The following THSD7A variants were observed in gnomAD, a reference collection of about 807,000 sequenced individuals.
THSD7A encodes thrombospondin type-1 domain-containing protein 7A.
Under a neutral mutation model 231.3 loss-of-function variants are expected in THSD7A, and 96 were observed. The observed-to-expected ratio is 0.41, with a 90% CI of 0.35 to 0.49. THSD7A has a LOEUF of 0.49. Among genes scored for constraint, THSD7A ranks in the 20% least tolerant of loss-of-function variants. THSD7A has a pLI of 0.05. For synonymous variants in THSD7A, 940 were observed against 743.3 expected (o/e 1.26, Z -4.30); for missense variants, 2,290 against 2,070.2 (o/e 1.11, Z -2.06).
chr7:11,417,481 G>A lies in THSD7A; in HGVS notation c.3506C>T (p.Ser1169Phe). 6.2e-7 allele frequency: 1 copy of A among 1,611,266 alleles called. No individual in the cohort carries two copies. The highest frequency in any genetic ancestry group is 1.1e-5 in the South Asian group (1 of 90,386). Residue 1169 changes from serine to phenylalanine, a missense_variant, in exon 17 of 28, where the codon TCT (serine) becomes TTT (phenylalanine). Physicochemically the swap from Ser to Phe is radical, Grantham distance 155. Transcript: ENST00000423059. Reference sequence around the variant, plus strand: ...ACATTGGGTCCATGGACCCCATTCAGATATCACACAGTCCTCAGGGCATGG... The same window carrying A: ...ACATTGGGTCCATGGACCCCATTCAAATATCACACAGTCCTCAGGGCATGG... The part of the protein sequence containing the change: ...KLPCPEDCVI[S>F]EWGPWTQCVL...
intron 1 of THSD7A, among the ~76,000 whole-genome samples, chr7:11,774,727 A>G (rs543507837): frequency 1.2e-4 from 19 of 152,220 alleles, no homozygotes; most frequent in Non-Finnish European, 2.8e-4. Flanking sequence ...CCTTTATGCT[A>G]GTATATTTCT....
intron 23 of THSD7A, among the ~76,000 whole-genome samples, chr7:11,396,400 GAAGAA>G (rs1161475179): frequency 2.0e-5 from 3 of 151,946 alleles, no homozygotes; most frequent in Non-Finnish European, 4.4e-5. Flanking sequence ...GACTAAGAAA[GAAGAA>G]AAGAGAGAAG....
intron 2 of THSD7A, among the ~76,000 whole-genome samples, chr7:11,626,015 T>A (rs1159447751): frequency 6.6e-6 from 1 of 152,012 alleles, no homozygotes; most frequent in Non-Finnish European, 1.5e-5. Context: ...TTACTAAAAC[T>A]CCCAGGAAAA....
rs145106297 is a variant in THSD7A at position 11,773,993 on chromosome 7, G to A, written c.190+57764C>T. Among the ~76,000 whole-genome samples, 247 of 152,052 alleles carry A rather than the reference G, an allele frequency of 1.6e-3. 1 individual carries two copies. The highest frequency in any genetic ancestry group is 2.2e-3 in the Non-Finnish European group (150 of 67,962). ...AACCCAAGTTTACCTAATAATAATCGGGAAATTAAAATAGCATAGTTCTTC... is the reference window on the plus strand; with the variant it reads ...AACCCAAGTTTACCTAATAATAATCAGGAAATTAAAATAGCATAGTTCTTC... On this transcript the variant is annotated intron_variant, in intron 1 of 27. Coordinates refer to ENST00000423059, the MANE Select transcript of THSD7A (RefSeq NM_015204.3).
intron 9 of THSD7A, among the ~76,000 whole-genome samples, chr7:11,466,576 C>T (rs931144095): frequency 6.6e-6 from 1 of 152,094 alleles, no homozygotes; most frequent in South Asian, 2.1e-4. Flanking sequence ...AAATACCCAA[C>T]TGAGGTGATT....
chr7:11,542,463 C>T (rs889168012), intron 5 of THSD7A, among the ~76,000 whole-genome samples: 8 of 152,142 alleles, frequency 5.3e-5, no homozygotes, highest in South Asian at 2.1e-4. Context: ...GAAAGTAATA[C>T]AGTTTTTACA....
intron 2 of THSD7A, 114 bp from the exon 3 acceptor site, chr7:11,593,616 T>C (rs1392936732): frequency 5.3e-6 from 7 of 1,330,304 alleles, no homozygotes; most frequent in Admixed American, 2.3e-5. Context: ...GGAGGTGTGA[T>C]TCCAGTTTCA....
At chr7:11,407,447 G>T (rs751062646) in intron 19 of THSD7A, 24 bp from the exon 20 acceptor site, 3 of 1,567,948 alleles carry the variant, frequency 1.9e-6, no homozygotes, top group Non-Finnish European at 2.6e-6. Context: ...GGTAGATCAG[G>T]ATGTATATTG....
At chr7:11,465,960 G>A (rs1785689109) in intron 9 of THSD7A, among the ~76,000 whole-genome samples, 1 of 152,024 alleles carries the variant, frequency 6.6e-6, no homozygotes, top group African/African-American at 2.4e-5. Flanking sequence ...CTGGTCTCAG[G>A]ATTAAACTAC....
intron 1 of THSD7A, among the ~76,000 whole-genome samples, chr7:11,774,881 C>G (rs138550084): frequency 0.012 from 1,873 of 152,186 alleles, 44 homozygotes; most frequent in African/African-American, 0.043. Context: ...ATGGCGAAAC[C>G]TTGTCTCTAC....
chr7:11,689,855 C>A (rs41388048), intron 1 of THSD7A, among the ~76,000 whole-genome samples: 4,815 of 148,142 alleles, frequency 0.033, 120 homozygotes, highest in Non-Finnish European at 0.046. Flanking sequence ...GACCACAAAG[C>A]ATTTCTGCCA....
At position 11,534,504 on chromosome 7, in the gene THSD7A, T is replaced by C. The variant is rs180941392; in HGVS notation, c.1822+6915A>G. Among the ~76,000 whole-genome samples the C allele has an allele frequency of 5.3e-5, 8 of 152,272 alleles. 1 individual carries two copies. In the East Asian group the frequency reaches 1.5e-3, roughly 29 times the overall value. ...CAGCTGACAGCACCAATGCCAGATA[T>C]GTGAGGGAGGACACTTGGACCTTTC... On this transcript the variant is annotated intron_variant, in intron 6 of 27. Coordinates refer to ENST00000423059, the MANE Select transcript of THSD7A (RefSeq NM_015204.3).
intron 1 of THSD7A, among the ~76,000 whole-genome samples, chr7:11,739,034 A>G (rs1408357903): frequency 6.6e-6 from 1 of 152,072 alleles, no homozygotes; most frequent in East Asian, 1.9e-4. Flanking sequence ...TGAAGCATGT[A>G]GATCAGTGTT....
At chr7:11,767,114 T>C (rs1342037210) in intron 1 of THSD7A, among the ~76,000 whole-genome samples, 5 of 152,200 alleles carry the variant, frequency 3.3e-5, no homozygotes, top group African/African-American at 9.6e-5. Context: ...TAAACAGCAA[T>C]TGTGGGAAGA....
intron 1 of THSD7A, among the ~76,000 whole-genome samples, chr7:11,794,169 G>C (rs1784050279): frequency 6.6e-6 from 1 of 151,880 alleles, no homozygotes; most frequent in African/African-American, 2.4e-5. Context: ...GGAGATAAGA[G>C]AAGTCTGTGA....
At chr7:11,607,755 G>T (rs1260815175) in intron 2 of THSD7A, among the ~76,000 whole-genome samples, 1 of 152,050 alleles carries the variant, frequency 6.6e-6, no homozygotes, top group Non-Finnish European at 1.5e-5. Flanking sequence ...GAGGCAAAAT[G>T]CACTCATGTT....
In THSD7A at chr7:11,461,330, T is replaced by G. The variant is rs1785498458; in HGVS notation, c.2502-565A>C. On this transcript the variant is annotated intron_variant, in intron 10 of 27. Transcript: ENST00000423059. ...AAGATTGATATATTAAGATGCCAAA[T>G]TTGACAATGTCATCTTAAATATTTA... Among the ~76,000 whole-genome samples, 3 of 152,220 alleles carry G rather than the reference T, an allele frequency of 2.0e-5. No homozygotes were observed. The South Asian group carries it at 6.2e-4, about 31-fold the overall frequency.
At chr7:11,507,061 C>T (rs924745616) in intron 6 of THSD7A, among the ~76,000 whole-genome samples, 3 of 152,116 alleles carry the variant, frequency 2.0e-5, no homozygotes, top group Non-Finnish European at 2.9e-5. Context: ...ACAGAACATT[C>T]TTATTAAATG....
At chr7:11,510,457 C>T (rs1208114219) in intron 6 of THSD7A, among the ~76,000 whole-genome samples, 1 of 152,148 alleles carries the variant, frequency 6.6e-6, no homozygotes, top group Non-Finnish European at 1.5e-5. Context: ...CAAAGCCTGG[C>T]AGACACACAG....
Sources: gnomAD v4.1 joint callset for allele counts (sites outside exome capture counted in the v4.1 genomes callset) on GRCh38, gnomAD v4.1.1 for gene constraint, MANE v1.5 for transcripts, NCBI Gene and HGNC (gene_info 2026-07-23, HGNC 2026-07-21) for gene names.